The following RANBP2 variants were observed in gnomAD, a reference collection of about 807,000 sequenced individuals.
RANBP2 encodes E3 SUMO-protein ligase RanBP2.
RANBP2 carries 57 observed loss-of-function variants against 303.6 expected under a neutral mutation model. That is an observed-to-expected ratio of 0.19 (90% CI 0.15 to 0.23). The LOEUF (loss-of-function observed/expected upper bound fraction) is 0.23. Ranked by LOEUF, RANBP2 falls within the 10% of genes least tolerant of loss-of-function variation. The probability of loss-of-function intolerance (pLI) is 1.00; values close to 1 mark genes in which losing one functional copy is unlikely to be tolerated. For synonymous variants in RANBP2, 1,167 were observed against 1,301.5 expected, an observed-to-expected ratio of 0.90 and a Z score of 2.23; for missense variants, 3,138 against 3,780.8, an observed-to-expected ratio of 0.83 and a Z score of 4.46.
the RANBP2 span, among the ~76,000 whole-genome samples, chr2:109,468,933 C>A: frequency 6.7e-6 from 1 of 148,998 alleles, no homozygotes; most frequent in Non-Finnish European, 1.5e-5. Flanking sequence ...GGCTTTGATA[C>A]TGGAACTGCC....
the RANBP2 span, among the ~76,000 whole-genome samples, chr2:109,520,656 C>T: frequency 9.8e-6 from 1 of 101,626 alleles, no homozygotes; most frequent in African/African-American, 2.9e-5. Context: ...TGAGGCCAGG[C>T]ACAGCGGCTC....
chr2:109,625,338 T>C, the RANBP2 span, among the ~76,000 whole-genome samples: 1 of 151,894 alleles, frequency 6.6e-6, no homozygotes, highest in East Asian at 1.9e-4. Context: ...TGTCATACAA[T>C]GACATGTATA....
At chr2:108,752,221 T>G (rs1675938544) in intron 12 of RANBP2, among the ~76,000 whole-genome samples, 1 of 151,844 alleles carries the variant, frequency 6.6e-6, no homozygotes, top group Non-Finnish European at 1.5e-5. Flanking sequence ...TTACTGTTAT[T>G]CCTTAATAAT....
At chr2:109,461,770 A>G in the RANBP2 span, among the ~76,000 whole-genome samples, 1 of 152,246 alleles carries the variant, frequency 6.6e-6, no homozygotes, top group Non-Finnish European at 1.5e-5. Context: ...ATGTGGCCCA[A>G]GTGGTAGAGC....
chr2:109,635,448 G>A, the RANBP2 span, among the ~76,000 whole-genome samples: 2 of 152,208 alleles, frequency 1.3e-5, no homozygotes, highest in African/African-American at 4.8e-5. Flanking sequence ...CTCCCAAAGT[G>A]CTGGGATTAC....
chr2:109,124,789 A>G, the RANBP2 span, among the ~76,000 whole-genome samples: 1 of 152,156 alleles, frequency 6.6e-6, no homozygotes, highest in Non-Finnish European at 1.5e-5. Context: ...CTTGCCCCAA[A>G]TGAGTACGTT....
In RANBP2 at chr2:108,763,432, A is replaced by G; in HGVS notation, c.2893A>G (p.Asn965Asp). 3.7e-6 allele frequency: 6 copies of G among 1,614,028 alleles called. No individual in the cohort carries two copies. Among genetic ancestry groups the G allele is most frequent in the Non-Finnish European group, 4.2e-6 (5 of 1,179,974 alleles). The change falls in exon 20 of 29, where the codon AAT becomes GAT. Residue 965 changes from asparagine to aspartate, a missense_variant. Asn to Asp is a conservative substitution (Grantham distance 23). Coordinates refer to ENST00000283195, the MANE Select transcript of RANBP2 (RefSeq NM_006267.5). ...CAGGGGTGATGATTACTTTAATTAC[A>G]ATGTTCAACAGACAAGCACAAATCC... ...SPRGDDYFNY[N>D]VQQTSTNPPL...
At chr2:108,831,317 C>T in the RANBP2 span, among the ~76,000 whole-genome samples, 1 of 152,208 alleles carries the variant, frequency 6.6e-6, no homozygotes, top group East Asian at 1.9e-4. Flanking sequence ...AAAGAGTTCA[C>T]AGTTCCCTAC....
the RANBP2 span, among the ~76,000 whole-genome samples, chr2:109,068,924 T>A: frequency 8.2e-3 from 1,252 of 152,336 alleles, 24 homozygotes; most frequent in African/African-American, 0.029. Flanking sequence ...GATTTTACCA[T>A]GGCTGACAAT....
At chr2:109,466,708 A>G in the RANBP2 span, among the ~76,000 whole-genome samples, 2 of 152,092 alleles carry the variant, frequency 1.3e-5, no homozygotes, top group South Asian at 2.1e-4. Context: ...ATAGTTTTGC[A>G]TTTTACATTT....
At chr2:108,857,680 A>T in the RANBP2 span, among the ~76,000 whole-genome samples, 1 of 152,218 alleles carries the variant, frequency 6.6e-6, no homozygotes, top group Non-Finnish European at 1.5e-5. Flanking sequence ...TACCTAGATT[A>T]GTAATCTTGG....
At chr2:108,916,400 G>A in the RANBP2 span, among the ~76,000 whole-genome samples, 8 of 152,120 alleles carry the variant, frequency 5.3e-5, no homozygotes, top group African/African-American at 1.4e-4. Flanking sequence ...GGCAATAAAC[G>A]CAGCCTAGAG....
At chr2:108,985,416 G>T in the RANBP2 span, among the ~76,000 whole-genome samples, 3 of 152,232 alleles carry the variant, frequency 2.0e-5, no homozygotes, top group African/African-American at 7.2e-5. Flanking sequence ...GCATGAGCTC[G>T]CAGGGTGGTG....
chr2:108,908,935 G>A, the RANBP2 span, among the ~76,000 whole-genome samples: 3 of 152,094 alleles, frequency 2.0e-5, no homozygotes, highest in Non-Finnish European at 4.4e-5. Flanking sequence ...CAGGCTTCAG[G>A]GCCTCACAAG....
chr2:109,095,940 G>A, the RANBP2 span, among the ~76,000 whole-genome samples: 5 of 152,228 alleles, frequency 3.3e-5, no homozygotes, highest in Non-Finnish European at 5.9e-5. Flanking sequence ...AAAACGGGAG[G>A]TGAGAGAAGA....
the RANBP2 span, among the ~76,000 whole-genome samples, chr2:109,042,342 A>G: frequency 2.0e-5 from 3 of 152,108 alleles, no homozygotes; most frequent in Non-Finnish European, 4.4e-5. Context: ...TTTTTCCTGC[A>G]GTTTTATTAT....
chr2:109,739,744 T>C, the RANBP2 span, among the ~76,000 whole-genome samples: 1 of 151,984 alleles, frequency 6.6e-6, no homozygotes, highest in Non-Finnish European at 1.5e-5. Context: ...TAGCTAAGAC[T>C]TCCAATACTA....
the RANBP2 span, among the ~76,000 whole-genome samples, chr2:109,521,415 G>C: frequency 6.6e-6 from 1 of 152,080 alleles, no homozygotes; most frequent in Admixed American, 6.5e-5. Context: ...TGGAATCCAG[G>C]ATTTCCTCAC....
chr2:109,467,115 C>A, the RANBP2 span, among the ~76,000 whole-genome samples: 1 of 152,230 alleles, frequency 6.6e-6, no homozygotes, highest in Non-Finnish European at 1.5e-5. Flanking sequence ...GTTAAACATG[C>A]CACCTGTCAC....
Sources: gnomAD v4.1 joint callset for allele counts (sites outside exome capture counted in the v4.1 genomes callset) on GRCh38, gnomAD v4.1.1 for gene constraint, MANE v1.5 for transcripts, NCBI Gene and HGNC (gene_info 2026-07-23, HGNC 2026-07-21) for gene names.